LMOD1: variants seen among roughly 807,000 people sequenced by gnomAD.
LMOD1 encodes leiomodin-1.
In LMOD1, 8 loss-of-function variants were observed where a neutral mutation model predicts 36.5. The observed-to-expected ratio is 0.22, with a 90% confidence interval of 0.13 to 0.40. The LOEUF (loss-of-function observed/expected upper bound fraction) is 0.40. LMOD1 is among the 10% of genes least tolerant of loss of function. The pLI, the probability that LMOD1 is intolerant of heterozygous loss-of-function variation, is 1.00. For missense variants in LMOD1, 630 were observed against 751.1 expected (o/e 0.84, Z 1.88); for synonymous variants, 284 against 288.7 (o/e 0.98, Z 0.17).
intron 1 of LMOD1, among the ~76,000 whole-genome samples, chr1:201,912,719 C>T (rs918410880): frequency 6.6e-6 from 1 of 151,906 alleles, no homozygotes; most frequent in African/African-American, 2.4e-5. Context: ...ATTAGCCGGG[C>T]GTGGTGGCGG....
intron 1 of LMOD1, among the ~76,000 whole-genome samples, chr1:201,925,757 T>G (rs1460998694): frequency 6.6e-6 from 1 of 151,682 alleles, no homozygotes. Context: ...CAGGCTGGAG[T>G]GCAGTGGTGT....
intron 1 of LMOD1, among the ~76,000 whole-genome samples, chr1:201,942,374 A>T (rs1037667481): frequency 1.3e-5 from 2 of 152,228 alleles, no homozygotes; most frequent in African/African-American, 4.8e-5. Flanking sequence ...ACCTTGAGGG[A>T]GTCCTGGAAG....
chr1:201,931,970 G>A (rs1681931353), intron 1 of LMOD1, among the ~76,000 whole-genome samples: 1 of 151,970 alleles, frequency 6.6e-6, no homozygotes, highest in Non-Finnish European at 1.5e-5. Context: ...GATGTTTTCT[G>A]GGCAGCTTTG....
chr1:201,899,299 TCTC>T lies in LMOD1; in HGVS notation c.1711_1713del (p.Glu571del). The T allele has an allele frequency of 2.5e-6, 4 of 1,610,016 alleles. No homozygotes were observed. The highest frequency in any genetic ancestry group is 3.4e-6 in the Non-Finnish European group (4 of 1,177,740). ...GCCAATAGCTGGTCACGGGAGTTCT[TCTC>T]CTGGGCAGGGAGGACTTTGTCTCCC... is the stretch of plus-strand genomic sequence containing the variant. On this transcript the variant is annotated inframe_deletion, in exon 2 of 3. Coordinates refer to ENST00000367288, the MANE Select transcript of LMOD1 (RefSeq NM_012134.3). The surrounding 1 kb of genome is among the most constrained non-coding windows in gnomAD (Gnocchi z 6.3).
At chr1:201,908,896 C>G (rs945079156) in intron 1 of LMOD1, among the ~76,000 whole-genome samples, 2 of 152,198 alleles carry the variant, frequency 1.3e-5, no homozygotes, top group African/African-American at 4.8e-5. Context: ...TGCTCCCAAC[C>G]TTAGGCCCTG....
chr1:201,906,627 G>A (rs1192768734), intron 1 of LMOD1, among the ~76,000 whole-genome samples: 1 of 152,216 alleles, frequency 6.6e-6, no homozygotes, highest in Non-Finnish European at 1.5e-5. Flanking sequence ...AGGGCTGGAA[G>A]GGACCGGGGG....
At chr1:201,923,063 G>A (rs955844654) in intron 1 of LMOD1, among the ~76,000 whole-genome samples, 3 of 152,134 alleles carry the variant, frequency 2.0e-5, no homozygotes, top group Non-Finnish European at 4.4e-5. Flanking sequence ...GACCTCAGGT[G>A]ATCCACCCGT....
chr1:201,924,411 A>C (rs1371131315), intron 1 of LMOD1, among the ~76,000 whole-genome samples: 1 of 74,092 alleles, frequency 1.3e-5, no homozygotes, highest in Non-Finnish European at 2.6e-5. Context: ...GAAGCAAGGA[A>C]GGAGGGAGGA....
In LMOD1 at chr1:201,900,519, G is replaced by T. The variant is rs763740590; in HGVS notation, c.494C>A (p.Ala165Asp). Residue 165 changes from alanine to aspartate, a missense_variant, in exon 2 of 3, where the codon GCT becomes GAT. Coordinates refer to ENST00000367288, the MANE Select transcript of LMOD1 (RefSeq NM_012134.3). ...IRGIDKGRVR[A>D]AVDKKEAGKD... ...CCCTGCCTCCTTCTTATCCACTGCA[G>T]CCCTGACCCGGCCCTTGTCAATGCC... The T allele has an allele frequency of 6.2e-7, 1 of 1,613,534 alleles. No individual in the cohort carries two copies. Among genetic ancestry groups the T allele is most frequent in the South Asian group, 1.1e-5 (1 of 91,036 alleles).
At chr1:201,907,764 G>C (rs1408035969) in intron 1 of LMOD1, among the ~76,000 whole-genome samples, 1 of 152,174 alleles carries the variant, frequency 6.6e-6, no homozygotes, top group Non-Finnish European at 1.5e-5. Context: ...TGGGTGCCAG[G>C]AGTCTGTCCT....
intron 1 of LMOD1, among the ~76,000 whole-genome samples, chr1:201,942,582 C>T (rs1682136223): frequency 6.6e-6 from 1 of 152,096 alleles, no homozygotes; most frequent in Non-Finnish European, 1.5e-5. Flanking sequence ...TGCACAATAG[C>T]CAGAGTATGC....
Position 201,905,896 on chromosome 1 carries a change from C to T in LMOD1, c.262-5145G>A, listed in dbSNP as rs1409846033. Among the ~76,000 whole-genome samples, 6 of 152,350 alleles carry T rather than the reference C, an allele frequency of 3.9e-5. No individual in the cohort carries two copies. In the East Asian group the frequency reaches 9.6e-4, roughly 24 times the overall value. On this transcript the variant is annotated intron_variant, in intron 1 of 2. Transcript: ENST00000367288. ...ATTGACTGCACCCTCACAGGTGATA[C>T]CACTGCCGTGAATTCAGAAGTATTT... is the stretch of plus-strand genomic sequence containing the variant.
chr1:201,931,271 A>T (rs748777722), intron 1 of LMOD1, among the ~76,000 whole-genome samples: 2 of 152,232 alleles, frequency 1.3e-5, no homozygotes, highest in Non-Finnish European at 2.9e-5. Flanking sequence ...TCGGTGGCTC[A>T]CGCCTGTAAT....
chr1:201,922,319 C>T (rs1376770704), intron 1 of LMOD1, among the ~76,000 whole-genome samples: 1 of 152,176 alleles, frequency 6.6e-6, no homozygotes, highest in East Asian at 1.9e-4. Flanking sequence ...CTCCTATTAG[C>T]CCCCAAATGG....
chr1:201,929,480 AG>A (rs1681883036), intron 1 of LMOD1, among the ~76,000 whole-genome samples: 1 of 152,226 alleles, frequency 6.6e-6, no homozygotes, highest in South Asian at 2.1e-4. Flanking sequence ...TTTAAACTGA[AG>A]GGGAAATATG....
intron 1 of LMOD1, among the ~76,000 whole-genome samples, chr1:201,915,487 C>T (rs1681590490): frequency 6.6e-6 from 1 of 152,042 alleles, no homozygotes; most frequent in African/African-American, 2.4e-5. Context: ...ACTGCCTTGC[C>T]GACCCCTGCA....
intron 1 of LMOD1, among the ~76,000 whole-genome samples, chr1:201,916,318 G>A (rs12137232): frequency 1.3e-5 from 2 of 151,712 alleles, no homozygotes; most frequent in South Asian, 2.1e-4. Context: ...GTTCAAGACC[G>A]TCCTGGGCAA....
chr1:201,938,426 G>A (rs554937418), intron 1 of LMOD1, among the ~76,000 whole-genome samples: 5 of 152,280 alleles, frequency 3.3e-5, no homozygotes, highest in South Asian at 2.1e-4. Flanking sequence ...ACCGCGCCCG[G>A]CCGTAATTTC....
At chr1:201,898,501 G>T in intron 2 of LMOD1, 103 bp from the exon 3 acceptor site, 1 of 1,038,510 alleles carries the variant, frequency 9.6e-7, no homozygotes, top group Non-Finnish European at 1.4e-6. Context: ...TTATGTCTGT[G>T]GAATGTGAAT....
Sources: gnomAD v4.1 joint callset for allele counts (sites outside exome capture counted in the v4.1 genomes callset) on GRCh38, gnomAD v4.1.1 for gene constraint, Gnocchi (gnomAD v3.1) non-coding constraint, MANE v1.5 for transcripts, NCBI Gene and HGNC (gene_info 2026-07-23, HGNC 2026-07-21) for gene names.